PEAK1: variants seen among roughly 807,000 people sequenced by gnomAD.
PEAK1 encodes pseudopodium enriched atypical kinase 1, also known as inactive tyrosine-protein kinase PEAK1.
Under a neutral mutation model 124.7 loss-of-function variants are expected in PEAK1, and 54 were observed. That is an observed-to-expected ratio of 0.43 (90% confidence interval 0.35 to 0.54). The LOEUF is 0.54. Ranked by LOEUF, PEAK1 falls within the 20% of genes least tolerant of loss-of-function variation. The pLI is 0.01. For synonymous variants in PEAK1, 719 were observed against 760.0 expected (o/e 0.95, Z 0.89); for missense variants, 2,046 against 2,134.5 (o/e 0.96, Z 0.82).
intron 6 of PEAK1, among the ~76,000 whole-genome samples, chr15:77,239,239 G>T (rs2060253864): frequency 6.6e-6 from 1 of 152,132 alleles, no homozygotes; most frequent in African/African-American, 2.4e-5. Flanking sequence ...ACTAAAATAT[G>T]ATCTCATAAT....
At chr15:77,237,564 C>T (rs934052464) in intron 6 of PEAK1, among the ~76,000 whole-genome samples, 41 of 151,502 alleles carry the variant, frequency 2.7e-4, no homozygotes, top group African/African-American at 1.0e-3. Context: ...TTCTTGTATA[C>T]TGAATGTTTA....
chr15:77,255,347 T>A (rs2061077868), intron 5 of PEAK1: 30 of 976,992 alleles, frequency 3.1e-5, no homozygotes, highest in Non-Finnish European at 3.4e-5. Context: ...GGGTTCTGAC[T>A]CTCCATTTAT....
At chr15:77,262,059 T>C (rs2061469365) in intron 5 of PEAK1, among the ~76,000 whole-genome samples, 1 of 152,118 alleles carries the variant, frequency 6.6e-6, no homozygotes, top group East Asian at 1.9e-4. Context: ...AAGCAAATGC[T>C]GAGAGATTTT....
intron 5 of PEAK1, among the ~76,000 whole-genome samples, chr15:77,267,089 G>A (rs540618074): frequency 2.4e-4 from 37 of 152,198 alleles, no homozygotes; most frequent in African/African-American, 8.7e-4. Context: ...CCACTTCCCT[G>A]GCAACCTGTG....
intron 9 of PEAK1, among the ~76,000 whole-genome samples, chr15:77,122,999 G>A (rs1264758815): frequency 3.3e-5 from 5 of 152,138 alleles, no homozygotes; most frequent in Non-Finnish European, 7.4e-5. Flanking sequence ...TGCAGTAAAA[G>A]ATGTTGGTCT....
intron 5 of PEAK1, among the ~76,000 whole-genome samples, chr15:77,263,920 G>A (rs2061576177): frequency 6.6e-6 from 1 of 151,908 alleles, no homozygotes; most frequent in Non-Finnish European, 1.5e-5. Context: ...TGATCAAGTG[G>A]GCTTCAACCT....
At chr15:77,394,778 C>T (rs897541018) in intron 1 of PEAK1, among the ~76,000 whole-genome samples, 1 of 152,150 alleles carries the variant, frequency 6.6e-6, no homozygotes, top group African/African-American at 2.4e-5. Flanking sequence ...GAAAACATGA[C>T]CTAATTAAAA....
At chr15:77,160,246 T>C (rs1249932294) in intron 7 of PEAK1, among the ~76,000 whole-genome samples, 1 of 152,110 alleles carries the variant, frequency 6.6e-6, no homozygotes, top group Admixed American at 6.5e-5. Context: ...TCCAAGACAC[T>C]CAGGTACCAC....
intron 2 of PEAK1, among the ~76,000 whole-genome samples, chr15:77,340,795 C>A (rs545648646): frequency 6.1e-4 from 93 of 152,178 alleles, no homozygotes; most frequent in Admixed American, 1.6e-3. Context: ...AACAATATTG[C>A]TCTTTACTTT....
intron 7 of PEAK1, among the ~76,000 whole-genome samples, chr15:77,162,620 T>C (rs2055760840): frequency 6.6e-6 from 1 of 152,150 alleles, no homozygotes; most frequent in South Asian, 2.1e-4. Context: ...AACAAATGTT[T>C]TACCACCAAC....
At chr15:77,391,476 C>CAAAAAA (rs536286745) in intron 1 of PEAK1, among the ~76,000 whole-genome samples, 16 of 68,296 alleles carry the variant, frequency 2.3e-4, no homozygotes, top group East Asian at 7.3e-4. Flanking sequence ...TAACTCATGG[C>CAAAAAA]AAAAAAAAAA....
chr15:77,275,615 C>T (rs993080016), intron 5 of PEAK1, among the ~76,000 whole-genome samples: 1 of 151,848 alleles, frequency 6.6e-6, no homozygotes, highest in East Asian at 1.9e-4. Context: ...ACTCAGGAGG[C>T]TGAGGCAGGA....
chr15:77,169,317 A>C (rs2056344130), intron 7 of PEAK1, among the ~76,000 whole-genome samples: 1 of 152,218 alleles, frequency 6.6e-6, no homozygotes, highest in African/African-American at 2.4e-5. Flanking sequence ...TGAGTGTCTA[A>C]ACTGGGCAAT....
At chr15:77,175,630 C>T (rs1294577310) in intron 7 of PEAK1, among the ~76,000 whole-genome samples, 75 of 151,660 alleles carry the variant, frequency 4.9e-4, no homozygotes, top group East Asian at 1.2e-3. Flanking sequence ...TGTGGAGAAA[C>T]AGGAACACTT....
chr15:77,236,628 G>C (rs951680287), intron 6 of PEAK1, among the ~76,000 whole-genome samples: 30 of 152,164 alleles, frequency 2.0e-4, no homozygotes, highest in African/African-American at 7.0e-4. Context: ...TTAAGACTGG[G>C]GGACTGTTGG....
rs1214008295 is a variant in PEAK1, at chr15:77,111,156, A to G, written c.*3000T>C. ...AGACTTCAATAGAAAACAATTTCCA[A>G]TCAATATTGAAGGCAATAACTTCCT... is the stretch of plus-strand genomic sequence containing the variant. On this transcript the variant is annotated 3_prime_UTR_variant, in exon 10 of 10. Transcript: ENST00000682557. The G allele has an allele frequency of 2.0e-5, 3 of 152,206 alleles. No individual in the cohort carries two copies. The highest frequency in any genetic ancestry group is 7.2e-5 in the African/African-American group (3 of 41,450). 9.4% of individuals were successfully genotyped at this position (152,206 alleles called of 1,614,324 possible).
chr15:77,336,559 A>G, intron 2 of PEAK1: 2 of 985,408 alleles, frequency 2.0e-6, no homozygotes, highest in Non-Finnish European at 1.2e-6. Context: ...GTGAATCCTC[A>G]TGCACTGCTC....
chr15:77,263,067 C>T (rs2061526199), intron 5 of PEAK1, among the ~76,000 whole-genome samples: 1 of 152,094 alleles, frequency 6.6e-6, no homozygotes, highest in Non-Finnish European at 1.5e-5. Flanking sequence ...AGAACAAAGA[C>T]ACAACATACC....
chr15:77,306,115 T>C (rs955897168), intron 2 of PEAK1, among the ~76,000 whole-genome samples: 2 of 152,206 alleles, frequency 1.3e-5, no homozygotes, highest in Non-Finnish European at 2.9e-5. Flanking sequence ...GATTAGTACA[T>C]ATGGCACAAC....
Sources: gnomAD v4.1 joint callset for allele counts (sites outside exome capture counted in the v4.1 genomes callset) on GRCh38, gnomAD v4.1.1 for gene constraint, MANE v1.5 for transcripts, NCBI Gene and HGNC (gene_info 2026-07-23, HGNC 2026-07-21) for gene names.